Variants in RPS6KA2 observed in about 807,000 individuals in gnomAD.
The protein encoded by RPS6KA2 is ribosomal protein S6 kinase A2.
Under a neutral mutation model 91.8 loss-of-function variants are expected in RPS6KA2, and 42 were observed. The ratio of observed to expected loss-of-function variants is 0.46; its 90% CI spans 0.36 to 0.59. RPS6KA2 has a LOEUF of 0.59. RPS6KA2 is among the 20% of genes least tolerant of loss of function. RPS6KA2 has a pLI of 0.00. For synonymous variants in RPS6KA2, 414 were observed against 393.6 expected (o/e 1.05, Z -0.61); for missense variants, 798 against 978.5 (o/e 0.82, Z 2.46).
At chr6:166,531,695 G>A (rs1470310063) in intron 2 of RPS6KA2, among the ~76,000 whole-genome samples, 1 of 152,082 alleles carries the variant, frequency 6.6e-6, no homozygotes, top group Non-Finnish European at 1.5e-5. Flanking sequence ...CACGCTGAAA[G>A]GTATTACCAA....
At chr6:166,619,962 G>C (rs1473371567) in intron 1 of RPS6KA2, among the ~76,000 whole-genome samples, 5 of 152,176 alleles carry the variant, frequency 3.3e-5, no homozygotes, top group South Asian at 4.1e-4. Flanking sequence ...CACTCCTCCT[G>C]TTATAAATTT....
rs987339703 is a variant in RPS6KA2, at chr6:166,500,652, C to T, written c.604+235G>A. Among the ~76,000 whole-genome samples the T allele has an allele frequency of 2.0e-5, 3 of 152,118 alleles. No homozygotes were observed. The highest frequency in any genetic ancestry group is 4.8e-5 in the African/African-American group (2 of 41,414). ...CGCTGAAGGAGCCCAGCAAACAGAA[C>T]GTGGCAGGGGAGAGGGAAAAGAAGG... On this transcript the variant is annotated intron_variant, in intron 7 of 20. Coordinates refer to ENST00000265678, the MANE Select transcript of RPS6KA2 (RefSeq NM_021135.6). The surrounding 1 kb of genome is among the most constrained non-coding windows in gnomAD (Gnocchi z 4.3).
intron 1 of RPS6KA2, among the ~76,000 whole-genome samples, chr6:166,582,743 G>A (rs760611329): frequency 2.6e-5 from 4 of 152,124 alleles, no homozygotes; most frequent in Admixed American, 6.5e-5. Flanking sequence ...AAGCCAGAAC[G>A]CTTTGAAAGA....
chr6:166,569,179 A>T (rs1398735095), intron 1 of RPS6KA2, among the ~76,000 whole-genome samples: 1 of 152,218 alleles, frequency 6.6e-6, no homozygotes, highest in Non-Finnish European at 1.5e-5. Context: ...ATTCCTCCCC[A>T]AGGACTGGCA....
chr6:166,623,348 T>A (rs988245619), intron 1 of RPS6KA2, among the ~76,000 whole-genome samples: 2 of 152,244 alleles, frequency 1.3e-5, no homozygotes, highest in Non-Finnish European at 2.9e-5. Context: ...CTTCTGAGGC[T>A]CTACTGGCGT....
At chr6:166,702,229 C>T in intron 2 of RPS6KA2, 1 of 1,611,464 alleles carries the variant, frequency 6.2e-7, no homozygotes, top group Admixed American at 1.7e-5. Context: ...TGGGAACCAG[C>T]AGGCACAGAG....
chr6:166,593,703 G>A (rs887069396), intron 1 of RPS6KA2, among the ~76,000 whole-genome samples: 16 of 151,588 alleles, frequency 1.1e-4, no homozygotes, highest in African/African-American at 3.4e-4. Context: ...TATATAAAGA[G>A]CTCTTACGAA....
At chr6:166,769,444 T>C (rs558331340) in intron 2 of RPS6KA2, among the ~76,000 whole-genome samples, 1 of 152,162 alleles carries the variant, frequency 6.6e-6, no homozygotes, top group Non-Finnish European at 1.5e-5. Context: ...CAGACCTTGT[T>C]TGCTGAGTTG....
chr6:166,572,790 C>T (rs145910704), intron 1 of RPS6KA2, among the ~76,000 whole-genome samples: 26 of 152,352 alleles, frequency 1.7e-4, no homozygotes, highest in Admixed American at 1.1e-3. Context: ...TCACTAGCAA[C>T]GGCACACGTG....
intron 1 of RPS6KA2, among the ~76,000 whole-genome samples, chr6:166,570,543 G>T (rs550216122): frequency 6.6e-6 from 1 of 152,298 alleles, no homozygotes; most frequent in South Asian, 2.1e-4. Flanking sequence ...AGTAAGCACA[G>T]AAATAGAAAT....
At chr6:166,721,359 G>C (rs973451307) in intron 2 of RPS6KA2, among the ~76,000 whole-genome samples, 1 of 152,088 alleles carries the variant, frequency 6.6e-6, no homozygotes, top group Non-Finnish European at 1.5e-5. Context: ...TTCATCTGAC[G>C]GCCAGGACCC....
intron 1 of RPS6KA2, among the ~76,000 whole-genome samples, chr6:166,624,894 C>T (rs893189905): frequency 2.0e-5 from 3 of 151,880 alleles, no homozygotes; most frequent in Non-Finnish European, 4.4e-5. Flanking sequence ...AGTGCAGTGG[C>T]GCAATCTCGG....
chr6:166,644,346 T>C (rs1338396118), intron 2 of RPS6KA2, among the ~76,000 whole-genome samples: 3 of 152,170 alleles, frequency 2.0e-5, no homozygotes, highest in Non-Finnish European at 4.4e-5. Context: ...AAAGCCCACA[T>C]TTCTTCAAAT....
intron 2 of RPS6KA2, among the ~76,000 whole-genome samples, chr6:166,656,953 C>T (rs1045945924): frequency 2.0e-5 from 3 of 152,180 alleles, no homozygotes; most frequent in Admixed American, 6.5e-5. Context: ...AGGATGGCCA[C>T]TCTGTCCTTG....
rs1415150700 is a variant in RPS6KA2 at position 166,603,849 on chromosome 6, C to G, written c.99+23072G>C. 6.6e-6 allele frequency among the ~76,000 whole-genome samples: 1 copy of G among 152,064 alleles called. No individual in the cohort carries two copies. Among genetic ancestry groups the G allele is most frequent in the Non-Finnish European group, 1.5e-5 (1 of 68,024 alleles). ...CAGGGGTGTTAGAGGAGCCAAAGACCCCCTCAGCACCCACCAAACGGGCAA... is the reference window on the plus strand; with the variant it reads ...CAGGGGTGTTAGAGGAGCCAAAGACGCCCTCAGCACCCACCAAACGGGCAA... On this transcript the variant is annotated intron_variant, in intron 1 of 20. Coordinates refer to ENST00000265678, the MANE Select transcript of RPS6KA2 (RefSeq NM_021135.6). This position sits in a 1 kb window ranked among gnomAD's most constrained non-coding sequence, Gnocchi z 4.3.
At chr6:166,650,002 C>T (rs1787798795) in intron 2 of RPS6KA2, among the ~76,000 whole-genome samples, 1 of 152,018 alleles carries the variant, frequency 6.6e-6, no homozygotes, top group East Asian at 1.9e-4. Flanking sequence ...CTTATTAAAA[C>T]AAATCTTTAT....
chr6:166,778,496 T>C (rs1369216254), intron 2 of RPS6KA2, among the ~76,000 whole-genome samples: 2 of 152,248 alleles, frequency 1.3e-5, no homozygotes, highest in Non-Finnish European at 2.9e-5. Flanking sequence ...CTGGGCATGG[T>C]GGCTCACACC....
At chr6:166,854,244 T>C (rs576173356) in intron 2 of RPS6KA2, among the ~76,000 whole-genome samples, 33 of 152,334 alleles carry the variant, frequency 2.2e-4, no homozygotes, top group African/African-American at 7.5e-4. Flanking sequence ...ACAGACATCT[T>C]GTCTTACACC....
intron 10 of RPS6KA2, among the ~76,000 whole-genome samples, chr6:166,478,610 GA>G (rs1214980992): frequency 6.6e-6 from 1 of 152,172 alleles, no homozygotes; most frequent in Non-Finnish European, 1.5e-5. Context: ...GTTTTCTCCA[GA>G]AAACGCTCAG....
Sources: gnomAD v4.1 joint callset for allele counts (sites outside exome capture counted in the v4.1 genomes callset) on GRCh38, gnomAD v4.1.1 for gene constraint, Gnocchi (gnomAD v3.1) non-coding constraint, MANE v1.5 for transcripts, NCBI Gene and HGNC (gene_info 2026-07-23, HGNC 2026-07-21) for gene names.